The following SLC40A1 variants were observed in gnomAD, a reference collection of about 807,000 sequenced individuals.
The protein encoded by SLC40A1 is ferroportin.
A neutral mutation model predicts 53.5 loss-of-function variants in SLC40A1; 16 were observed. That is an observed-to-expected ratio of 0.30 (90% CI 0.20 to 0.45). The LOEUF is 0.45. SLC40A1 is among the 20% of genes least tolerant of loss of function. SLC40A1 has a pLI of 1.00. For synonymous variants in SLC40A1, 247 were observed against 253.2 expected, an observed-to-expected ratio of 0.98 and a Z score of 0.23; for missense variants, 545 against 695.4, an observed-to-expected ratio of 0.78 and a Z score of 2.43.
chr2:189,578,189 CAA>C (rs1163396685), intron 2 of SLC40A1: 1 of 984,588 alleles, frequency 1.0e-6, no homozygotes, highest in Non-Finnish European at 1.2e-6. Context: ...GAGTGCCACA[CAA>C]GAGAAAAAAC....
chr2:189,569,864 C>T lies in SLC40A1; in HGVS notation c.514+1851G>A, dbSNP rs116431116. On this transcript the variant is annotated intron_variant, in intron 5 of 7. Transcript: ENST00000261024. ...AATATAAAGACAGACAGCTGAGAAACGACCAGTCATATTTTTGTTGTTATT... is the reference window on the plus strand; with the variant it reads ...AATATAAAGACAGACAGCTGAGAAATGACCAGTCATATTTTTGTTGTTATT... Among the ~76,000 whole-genome samples the T allele has an allele frequency of 1.9e-3, 288 of 152,102 alleles. 1 individual carries two copies. Among genetic ancestry groups the T allele is most frequent in the African/African-American group, 6.5e-3 (270 of 41,470 alleles).
intron 7 of SLC40A1, 119 bp from the exon 8 acceptor site, chr2:189,562,310 C>T (rs2030769038): frequency 1.3e-6 from 1 of 742,698 alleles, no homozygotes; most frequent in Admixed American, 2.6e-5. Context: ...GTCTTTAAGT[C>T]ACCTTAAATA....
intron 5 of SLC40A1, among the ~76,000 whole-genome samples, chr2:189,566,599 A>T (rs935719682): frequency 3.9e-5 from 6 of 152,242 alleles, no homozygotes; most frequent in African/African-American, 1.2e-4. Flanking sequence ...AATCTACCGC[A>T]TAACTGAAGG....
chr2:189,568,777 A>G (rs958604046), intron 5 of SLC40A1, among the ~76,000 whole-genome samples: 1 of 152,258 alleles, frequency 6.6e-6, no homozygotes, highest in South Asian at 2.1e-4. Flanking sequence ...TTTTTAATCA[A>G]TACCACACGA....
At position 189,564,137 on chromosome 2, in the gene SLC40A1, A is replaced by T; in HGVS notation, c.849T>A (p.Thr283=). Residue 283 remains threonine (T), a synonymous_variant, in exon 7 of 8, where the codon ACT becomes ACA. Transcript: ENST00000261024. The part of the protein sequence containing the change: ...IHELEHEQEP[T]CASQMAEPFR... ...AGGGCTCAGCCATCTGGGAGGCACAAGTAGGCTCTTGCTCATGTTCAAGCT... is the reference window on the plus strand; with the variant it reads ...AGGGCTCAGCCATCTGGGAGGCACATGTAGGCTCTTGCTCATGTTCAAGCT... 6.2e-7 allele frequency: 1 copy of T among 1,612,382 alleles called. No individual in the cohort carries two copies.
In SLC40A1 at chr2:189,571,709, A is replaced by T. The variant is rs761924502; in HGVS notation, c.514+6T>A. 2 of 1,612,594 alleles carry T rather than the reference A, an allele frequency of 1.2e-6. No individual in the cohort carries two copies. The highest frequency in any genetic ancestry group is 4.5e-5 in the East Asian group (2 of 44,784). On this transcript the variant is annotated splice_donor_region_variant and intron_variant, in intron 5 of 7. Coordinates refer to ENST00000261024, the MANE Select transcript of SLC40A1 (RefSeq NM_014585.6). ...CTCATTTCATTAAAAGAGAAAGCCA[A>T]ATTACTTGCTAGTTTGCTTCTGTCT...
intron 4 of SLC40A1, 86 bp downstream of exon 4, chr2:189,572,760 A>C (rs2031170862): frequency 1.0e-6 from 1 of 983,630 alleles, no homozygotes; most frequent in Non-Finnish European, 1.6e-6. Flanking sequence ...ACTGGCCAAA[A>C]AAAAAAATAG....
intron 5 of SLC40A1, among the ~76,000 whole-genome samples, chr2:189,569,045 T>C (rs1443232692): frequency 6.6e-6 from 1 of 152,246 alleles, no homozygotes; most frequent in East Asian, 1.9e-4. Flanking sequence ...TGGTTAGCAG[T>C]ATTCATGAGA....
At position 189,564,182 on chromosome 2, in the gene SLC40A1, C is replaced by A; in HGVS notation, c.804G>T (p.Val268=). The change falls in exon 7 of 8, where the codon GTG becomes GTT. Residue 268 remains valine, a synonymous_variant. Transcript: ENST00000261024. The part of the protein sequence containing the change: ...KPLEGTHLMG[V]KDSNIHELEH... Reference sequence around the variant, plus strand: ...CAAGCTCATGGATGTTAGAGTCTTTCACACCCATTAGATGAGTTCCCTCCA... The same window carrying A: ...CAAGCTCATGGATGTTAGAGTCTTTAACACCCATTAGATGAGTTCCCTCCA... 6.2e-7 allele frequency: 1 copy of A among 1,613,736 alleles called. No individual in the cohort carries two copies. Among genetic ancestry groups the A allele is most frequent in the Non-Finnish European group, 8.5e-7 (1 of 1,179,816 alleles).
chr2:189,571,571 A>C (rs1194359971), intron 5 of SLC40A1, 144 bp downstream of exon 5: 7 of 1,347,496 alleles, frequency 5.2e-6, no homozygotes, highest in Non-Finnish European at 7.1e-6. Context: ...ACTGACAATA[A>C]GGTAAGAAAA....
chr2:189,568,497 A>G (rs1212695214), intron 5 of SLC40A1, among the ~76,000 whole-genome samples: 1 of 152,248 alleles, frequency 6.6e-6, no homozygotes, highest in Admixed American at 6.5e-5. Context: ...TCAAAAAAAA[A>G]AAAGACTTAA....
At chr2:189,568,475 C>A (rs1404920373) in intron 5 of SLC40A1, among the ~76,000 whole-genome samples, 1 of 151,312 alleles carries the variant, frequency 6.6e-6, no homozygotes, top group African/African-American at 2.4e-5. Context: ...GGTGACAAAG[C>A]GAGACTCCGT....
At chr2:189,563,275 C>CAAAAAAAAAAAAACAAAAAAAAA (rs2030813347) in intron 7 of SLC40A1, among the ~76,000 whole-genome samples, 1 of 58,172 alleles carries the variant, frequency 1.7e-5, no homozygotes, top group African/African-American at 6.1e-5. Flanking sequence ...ACCCTGATCT[C>CAAAAAAAAAAAAACAAAAAAAAA]AAAAAAAAAA....
intron 2 of SLC40A1, among the ~76,000 whole-genome samples, chr2:189,577,124 C>G (rs542282394): frequency 1.3e-5 from 2 of 152,306 alleles, no homozygotes; most frequent in South Asian, 4.2e-4. Context: ...TCTCACTAAA[C>G]TTGGATGACC....
Position 189,560,646 on chromosome 2 carries a change from G to T in SLC40A1, c.*1232C>A, listed in dbSNP as rs1049888248. 2 of 152,456 alleles carry T rather than the reference G, an allele frequency of 1.3e-5. No homozygotes were observed. Among genetic ancestry groups the T allele is most frequent in the African/African-American group, 4.8e-5 (2 of 41,414 alleles). 9.4% of individuals were successfully genotyped at this position (152,456 alleles called of 1,614,324 possible). A position where few individuals can be genotyped will look rare whatever the true frequency, so the allele number is the denominator to read the frequency against. The stretch of plus-strand genomic sequence containing the variant: ...TTTTTTACAAAGATTTTACAACATA[G>T]CAAATCATTATGTCATACTGTAGAA... On this transcript the variant is annotated 3_prime_UTR_variant, in exon 8 of 8. Transcript: ENST00000261024.
chr2:189,572,662 TAATG>T, intron 4 of SLC40A1, 180 bp downstream of exon 4: 1 of 619,716 alleles, frequency 1.6e-6, no homozygotes, highest in Admixed American at 2.8e-5. Context: ...AAACAATACT[TAATG>T]AGTGCCTGTT....
At chr2:189,564,310 T>C in intron 6 of SLC40A1, 85 bp from the exon 7 acceptor site, 8 of 1,171,428 alleles carry the variant, frequency 6.8e-6, no homozygotes, top group Non-Finnish European at 1.0e-5. Context: ...TTTCCTTCTA[T>C]TCCCCTTCCC....
Position 189,575,221 on chromosome 2 carries a change from A to G in SLC40A1, c.211T>C (p.Ser71Pro), listed in dbSNP as rs1403643921. ...ATGATGGCTCCCAGGACCAGAACAG[A>G]CCCTGCCACCACCAGCCCGTAGACT... is the stretch of plus-strand genomic sequence containing the variant. Reference protein sequence around the residue: ...TAVYGLVVAGSVLVLGAIIGD... With the variant: ...TAVYGLVVAGPVLVLGAIIGD... Residue 71 changes from serine to proline, a missense_variant, in exon 3 of 8, where the codon TCT becomes CCT. Physicochemically the swap from Ser to Pro is moderately conservative, Grantham distance 74. Coordinates refer to ENST00000261024, the MANE Select transcript of SLC40A1 (RefSeq NM_014585.6). 1 of 1,614,080 alleles carries G rather than the reference A, an allele frequency of 6.2e-7. No individual in the cohort carries two copies. The highest frequency in any genetic ancestry group is 8.5e-7 in the Non-Finnish European group (1 of 1,179,970).
At chr2:189,578,079 T>C (rs1574247413) in intron 2 of SLC40A1, 1 of 514,310 alleles carries the variant, frequency 1.9e-6, no homozygotes, top group Non-Finnish European at 2.5e-6. Flanking sequence ...TAAGAAATCA[T>C]GACTTGGCAG....
Sources: gnomAD v4.1 joint callset for allele counts (sites outside exome capture counted in the v4.1 genomes callset) on GRCh38, gnomAD v4.1.1 for gene constraint, MANE v1.5 for transcripts, NCBI Gene and HGNC (gene_info 2026-07-23, HGNC 2026-07-21) for gene names.